Variants in PRKG1 observed in about 807,000 individuals in gnomAD.
PRKG1 encodes protein kinase cGMP-dependent 1.
Under a neutral mutation model 88.1 loss-of-function variants are expected in PRKG1, and 35 were observed. The observed-to-expected ratio is 0.40, with a 90% confidence interval of 0.30 to 0.53. PRKG1 has a LOEUF of 0.53. PRKG1 is among the 20% of genes least tolerant of loss of function. PRKG1 has a pLI of 0.59. For synonymous variants in PRKG1, 303 were observed against 292.5 expected (o/e 1.04, Z -0.37); for missense variants, 540 against 839.8 (o/e 0.64, Z 4.41).
At chr10:52,261,044 C>G (rs915563938) in intron 10 of PRKG1, among the ~76,000 whole-genome samples, 3 of 150,166 alleles carry the variant, frequency 2.0e-5, no homozygotes, top group African/African-American at 7.3e-5. Flanking sequence ...ATTGTCCAAC[C>G]CTTTGTTCAC....
At chr10:52,083,995 CATA>C (rs1195907200) in intron 7 of PRKG1, among the ~76,000 whole-genome samples, 3 of 151,952 alleles carry the variant, frequency 2.0e-5, no homozygotes, top group Admixed American at 6.6e-5. Context: ...TACATGAATA[CATA>C]ATAATTAAAT....
intron 4 of PRKG1, among the ~76,000 whole-genome samples, chr10:51,843,175 C>G (rs568340291): frequency 3.4e-4 from 50 of 146,006 alleles, no homozygotes; most frequent in Non-Finnish European, 6.3e-4. Context: ...TGGCTCACTG[C>G]AACCTCCACC....
chr10:52,119,824 A>G (rs1847773573), intron 7 of PRKG1, among the ~76,000 whole-genome samples: 1 of 152,156 alleles, frequency 6.6e-6, no homozygotes, highest in Non-Finnish European at 1.5e-5. Context: ...GTGGCCCCAT[A>G]TCTTTTGAGA....
chr10:51,855,620 T>C (rs952376111), intron 4 of PRKG1, among the ~76,000 whole-genome samples: 2 of 152,284 alleles, frequency 1.3e-5, no homozygotes, highest in Middle Eastern at 3.4e-3. Context: ...TTTCTCCTAT[T>C]TAAGGGACCT....
intron 3 of PRKG1, among the ~76,000 whole-genome samples, chr10:51,573,525 A>G (rs1026503197): frequency 1.1e-4 from 17 of 151,930 alleles, no homozygotes; most frequent in Admixed American, 1.3e-4. Context: ...CAGTGAATTC[A>G]AGAAGAAACA....
intron 3 of PRKG1, among the ~76,000 whole-genome samples, chr10:51,493,802 G>C (rs2132876446): frequency 6.6e-6 from 1 of 152,242 alleles, no homozygotes; most frequent in East Asian, 1.9e-4. Flanking sequence ...AATTCTATTA[G>C]AGAATATATC....
chr10:51,896,466 T>C (rs1205894317), intron 4 of PRKG1, among the ~76,000 whole-genome samples: 60 of 151,546 alleles, frequency 4.0e-4, no homozygotes, highest in Non-Finnish European at 5.9e-5. Flanking sequence ...CTCAATACTT[T>C]GGGAGGTTGA....
chr10:51,112,954 T>C (rs1767987852), intron 1 of PRKG1, among the ~76,000 whole-genome samples: 1 of 152,168 alleles, frequency 6.6e-6, no homozygotes, highest in South Asian at 2.1e-4. Context: ...GAAATTGGAA[T>C]AAAAGATTGC....
At chr10:51,298,991 G>A (rs1840798609) in intron 2 of PRKG1, among the ~76,000 whole-genome samples, 1 of 152,106 alleles carries the variant, frequency 6.6e-6, no homozygotes, top group Non-Finnish European at 1.5e-5. Flanking sequence ...GAGCACAAAG[G>A]TTTGTTGTCT....
chr10:51,261,047 G>A (rs1208302510), intron 2 of PRKG1, among the ~76,000 whole-genome samples: 1 of 152,096 alleles, frequency 6.6e-6, no homozygotes, highest in African/African-American at 2.4e-5. Context: ...TCAAGGGATT[G>A]GAACATTTCC....
At chr10:52,166,807 ATG>A (rs1491587046) in intron 9 of PRKG1, among the ~76,000 whole-genome samples, 235 of 1,708 alleles carry the variant, frequency 0.14, 11 homozygotes, top group Middle Eastern at 0.5. Context: ...ACATATATAT[ATG>A]TATATATATG....
chr10:51,503,644 G>A (rs1281943875), intron 3 of PRKG1, among the ~76,000 whole-genome samples: 1 of 152,136 alleles, frequency 6.6e-6, no homozygotes, highest in Non-Finnish European at 1.5e-5. Flanking sequence ...CAATACATAT[G>A]CACCTGGCTT....
chr10:52,051,117 C>T (rs1904007), intron 5 of PRKG1, among the ~76,000 whole-genome samples: 28,908 of 151,984 alleles, frequency 0.19, 3,170 homozygotes, highest in Admixed American at 0.31. Flanking sequence ...CCCTTACTTT[C>T]GCTCATTTTA....
chr10:52,102,585 T>C (rs1445379645), intron 7 of PRKG1, among the ~76,000 whole-genome samples: 1 of 64,364 alleles, frequency 1.6e-5, no homozygotes, highest in Non-Finnish European at 3.1e-5. Context: ...AGACTGTGGA[T>C]ATGGCAAAAA....
intron 2 of PRKG1, among the ~76,000 whole-genome samples, chr10:51,415,449 T>C (rs1838210305): frequency 6.6e-6 from 1 of 152,162 alleles, no homozygotes; most frequent in Non-Finnish European, 1.5e-5. Flanking sequence ...CTCCCAAAAT[T>C]AAGCCACCAT....
intron 5 of PRKG1, among the ~76,000 whole-genome samples, chr10:52,038,099 C>T (rs1017463924): frequency 5.3e-5 from 8 of 152,010 alleles, no homozygotes; most frequent in Non-Finnish European, 1.0e-4. Flanking sequence ...GAACTACTGT[C>T]GAGTTTGTAT....
At chr10:52,183,228 C>T (rs1331533226) in intron 9 of PRKG1, among the ~76,000 whole-genome samples, 3 of 152,212 alleles carry the variant, frequency 2.0e-5, no homozygotes, top group South Asian at 2.1e-4. Flanking sequence ...ATATCCTGTA[C>T]CTGCCTGGGG....
intron 5 of PRKG1, among the ~76,000 whole-genome samples, chr10:51,992,381 TA>T (rs572326447): frequency 2.4e-4 from 36 of 150,910 alleles, no homozygotes; most frequent in South Asian, 1.0e-3. Flanking sequence ...ATTTCCTTTT[TA>T]AAAAAAAAAT....
chr10:51,161,734 T>C (rs1846368761), intron 2 of PRKG1, among the ~76,000 whole-genome samples: 1 of 152,222 alleles, frequency 6.6e-6, no homozygotes, highest in Admixed American at 6.5e-5. Context: ...TCTATGCTTT[T>C]TCATTTTGCT....
Sources: allele counts gnomAD v4.1 joint callset (sites outside exome capture counted in the v4.1 genomes callset), GRCh38; gene constraint gnomAD v4.1.1; transcripts MANE v1.5; gene names NCBI Gene and HGNC (gene_info 2026-07-23, HGNC 2026-07-21).